The following ADAM18 variants were observed in gnomAD, a reference collection of about 807,000 sequenced individuals.
ADAM18 encodes the protein disintegrin and metalloproteinase domain-containing protein 18.
Under a neutral mutation model 94.4 loss-of-function variants are expected in ADAM18, and 117 were observed. The observed-to-expected ratio is 1.24, with a 90% confidence interval of 1.07 to 1.45. The LOEUF is 1.45. Ranked by LOEUF, ADAM18 falls within the 40% of genes most tolerant of loss-of-function variation. The pLI is 0.00. For missense variants in ADAM18, 936 were observed against 880.0 expected (o/e 1.06, Z -0.81); for synonymous variants, 327 against 291.6 (o/e 1.12, Z -1.24).
chr8:39,722,441 C>T (rs1236183779), intron 18 of ADAM18, among the ~76,000 whole-genome samples: 1 of 151,016 alleles, frequency 6.6e-6, no homozygotes, highest in Admixed American at 6.6e-5. Context: ...CCAAATACTG[C>T]ATTGGCTCAC....
intron 14 of ADAM18, among the ~76,000 whole-genome samples, chr8:39,676,849 C>T (rs1031972429): frequency 6.6e-6 from 1 of 152,184 alleles, no homozygotes; most frequent in East Asian, 1.9e-4. Flanking sequence ...GAGTGGATAA[C>T]AGGATTCATT....
At chr8:39,627,093 T>G (rs1819790859) in intron 6 of ADAM18, among the ~76,000 whole-genome samples, 2 of 152,160 alleles carry the variant, frequency 1.3e-5, no homozygotes, top group Non-Finnish European at 2.9e-5. Flanking sequence ...AGATTATATA[T>G]ATATGCATAT....
At chr8:39,700,710 G>A (rs1822043615) in intron 17 of ADAM18, among the ~76,000 whole-genome samples, 1 of 151,930 alleles carries the variant, frequency 6.6e-6, no homozygotes, top group Non-Finnish European at 1.5e-5. Context: ...TATTAACAAG[G>A]TTAAGTGATG....
intron 17 of ADAM18, among the ~76,000 whole-genome samples, chr8:39,694,142 A>G (rs905522565): frequency 2.0e-5 from 3 of 151,404 alleles, no homozygotes; most frequent in African/African-American, 4.8e-5. Context: ...TGCATGATTC[A>G]ATATAAGTGG....
chr8:39,700,886 G>A (rs112172113), intron 17 of ADAM18, among the ~76,000 whole-genome samples: 108 of 151,322 alleles, frequency 7.1e-4, no homozygotes, highest in African/African-American at 2.2e-3. Flanking sequence ...AGGCCGAGGC[G>A]GGCGGATCAC....
intron 18 of ADAM18, among the ~76,000 whole-genome samples, chr8:39,714,392 T>A (rs1172756783): frequency 1.3e-5 from 2 of 152,038 alleles, no homozygotes; most frequent in Non-Finnish European, 2.9e-5. Flanking sequence ...TACCTATGTA[T>A]CAAACCTGCA....
rs1329444068 is a variant in ADAM18, at chr8:39,671,129, AC to A, written c.1525+2934del. ...ATGTCAGCTCCTAGATGTCCCAACT[AC>A]TAACAGTTGGTAATGAGAGTGGAGT... is the stretch of plus-strand genomic sequence containing the variant. On this transcript the variant is annotated intron_variant, in intron 14 of 19. Transcript: ENST00000265707. Among the ~76,000 whole-genome samples the A allele has an allele frequency of 2.0e-5, 3 of 152,308 alleles. No individual in the cohort carries two copies. The East Asian group carries it at 5.8e-4, about 29-fold the overall frequency.
At chr8:39,717,339 A>C (rs1390416635) in intron 18 of ADAM18, among the ~76,000 whole-genome samples, 1 of 151,838 alleles carries the variant, frequency 6.6e-6, no homozygotes. Context: ...TAACTTTTAC[A>C]GTAAAATTAA....
chr8:39,663,962 G>A (rs1820923129), intron 13 of ADAM18, 72 bp downstream of exon 13: 1 of 966,208 alleles, frequency 1.0e-6, no homozygotes, highest in Admixed American at 2.5e-5. Flanking sequence ...GAATCAATGT[G>A]CAATTAATAA....
intron 18 of ADAM18, among the ~76,000 whole-genome samples, chr8:39,713,962 A>G (rs1400378602): frequency 6.6e-6 from 1 of 152,210 alleles, no homozygotes; most frequent in Non-Finnish European, 1.5e-5. Context: ...AGGATTATAA[A>G]TCATGCTACT....
rs749868083 is a variant in ADAM18 at position 39,680,226 on chromosome 8, G to T, written c.1821G>T (p.Met607Ile). 112 of 1,605,018 alleles carry T rather than the reference G, an allele frequency of 7.0e-5. No homozygotes were observed. The highest frequency in any genetic ancestry group is 9.3e-5 in the Non-Finnish European group (109 of 1,176,926). Residue 607 changes from methionine (M) to isoleucine (I), a missense_variant and splice_region_variant, in exon 16 of 20, where the codon ATG becomes ATT. Coordinates refer to ENST00000265707, the MANE Select transcript of ADAM18 (RefSeq NM_014237.3). ...ATGGCACCATGTGTGGTCCAGAAAT[G>T]GTAACAAAATGTGATAATTTATATT... ...VADGTMCGPE[M>I]YCVNKTCRKV...
intron 3 of ADAM18, among the ~76,000 whole-genome samples, chr8:39,607,741 T>C (rs1047922572): frequency 1.5e-5 from 2 of 132,996 alleles, no homozygotes; most frequent in Non-Finnish European, 1.6e-5. Flanking sequence ...CTCCTTTCTC[T>C]ATTTTTTTTT....
intron 6 of ADAM18, among the ~76,000 whole-genome samples, chr8:39,619,527 T>C (rs1313853653): frequency 6.6e-6 from 1 of 151,962 alleles, no homozygotes; most frequent in East Asian, 1.9e-4. Flanking sequence ...CATTGGAAAC[T>C]GTACAAATAC....
At chr8:39,652,410 GACAA>G (rs1467191118) in intron 12 of ADAM18, among the ~76,000 whole-genome samples, 1 of 152,040 alleles carries the variant, frequency 6.6e-6, no homozygotes, top group Admixed American at 6.6e-5. Flanking sequence ...CTCAAAATAA[GACAA>G]ACAAATGGAC....
At chr8:39,635,993 A>G (rs556034330) in intron 7 of ADAM18, among the ~76,000 whole-genome samples, 6 of 148,732 alleles carry the variant, frequency 4.0e-5, no homozygotes, top group Non-Finnish European at 5.9e-5. Context: ...AATATCTGTA[A>G]CCATTAAGTT....
intron 7 of ADAM18, among the ~76,000 whole-genome samples, chr8:39,631,514 A>G (rs1819930059): frequency 6.6e-6 from 1 of 151,970 alleles, no homozygotes; most frequent in African/African-American, 2.4e-5. Context: ...CCTATTCCTT[A>G]GGTTGCTGTT....
chr8:39,680,736 A>G (rs1404613267), intron 16 of ADAM18, among the ~76,000 whole-genome samples: 2 of 152,222 alleles, frequency 1.3e-5, no homozygotes, highest in African/African-American at 4.8e-5. Context: ...ATAACATAAA[A>G]AGAGAACAAA....
chr8:39,640,180 C>T (rs1213213924), intron 10 of ADAM18, among the ~76,000 whole-genome samples: 1 of 152,052 alleles, frequency 6.6e-6, no homozygotes, highest in Admixed American at 6.6e-5. Flanking sequence ...CTCCCACCTC[C>T]CACTCCTCCA....
intron 17 of ADAM18, among the ~76,000 whole-genome samples, chr8:39,700,386 C>G (rs1028275585): frequency 1.3e-5 from 2 of 151,990 alleles, no homozygotes; most frequent in African/African-American, 4.8e-5. Context: ...ATTTCTTGGT[C>G]AGATGTATGT....
Sources: gnomAD v4.1 joint callset for allele counts (sites outside exome capture counted in the v4.1 genomes callset) on GRCh38, gnomAD v4.1.1 for gene constraint, MANE v1.5 for transcripts, NCBI Gene and HGNC (gene_info 2026-07-23, HGNC 2026-07-21) for gene names.